GRM5: variants seen among roughly 807,000 people sequenced by gnomAD.
The protein encoded by GRM5 is glutamate metabotropic receptor 5.
In GRM5, 19 loss-of-function variants were observed where a neutral mutation model predicts 83.1. The ratio of observed to expected loss-of-function variants is 0.23; its 90% CI spans 0.16 to 0.34. The LOEUF (loss-of-function observed/expected upper bound fraction) is 0.34, where lower values mean the gene tolerates loss of function less well. GRM5 is among the 10% of genes least tolerant of loss of function. GRM5 has a pLI of 1.00. For missense variants in GRM5, 1,160 were observed against 1,588.3 expected (o/e 0.73, Z 4.58); for synonymous variants, 675 against 633.6 (o/e 1.07, Z -0.98).
At chr11:88,626,955 C>T (rs1322497103) in intron 4 of GRM5, among the ~76,000 whole-genome samples, 1 of 152,120 alleles carries the variant, frequency 6.6e-6, no homozygotes, top group Non-Finnish European at 1.5e-5. Flanking sequence ...TCTCCGGCTT[C>T]CAGCCTCCAG....
intron 3 of GRM5, among the ~76,000 whole-genome samples, chr11:88,668,663 G>A (rs1469507586): frequency 1.3e-5 from 2 of 152,014 alleles, no homozygotes; most frequent in Admixed American, 1.3e-4. Context: ...GTAAAAACAG[G>A]TAACAAGAGG....
intron 4 of GRM5, among the ~76,000 whole-genome samples, chr11:88,642,072 G>C (rs756688862): frequency 1.3e-5 from 2 of 152,122 alleles, no homozygotes; most frequent in Non-Finnish European, 2.9e-5. Context: ...TGGGCACCCA[G>C]TTTGTCTCAT....
intron 3 of GRM5, among the ~76,000 whole-genome samples, chr11:88,665,192 T>C (rs988141762): frequency 2.2e-4 from 3 of 13,336 alleles, no homozygotes; most frequent in Non-Finnish European, 7.2e-4. Flanking sequence ...CACACACACA[T>C]CCCTCTTGGA....
chr11:88,580,487 TA>T (rs1323653900), intron 7 of GRM5, among the ~76,000 whole-genome samples: 8 of 152,196 alleles, frequency 5.3e-5, no homozygotes, highest in South Asian at 2.1e-4. Context: ...TTGGGAAGGT[TA>T]TTTTTTTATT....
intron 2 of GRM5, among the ~76,000 whole-genome samples, chr11:88,918,411 C>T (rs1315851668): frequency 6.6e-6 from 1 of 151,312 alleles, no homozygotes; most frequent in Admixed American, 6.6e-5. Flanking sequence ...TGCACATGTA[C>T]CCTAAAACTT....
At chr11:89,034,635 A>G (rs576429954) in intron 2 of GRM5, among the ~76,000 whole-genome samples, 67 of 152,004 alleles carry the variant, frequency 4.4e-4, no homozygotes, top group African/African-American at 1.6e-3. Flanking sequence ...TAGACTAATG[A>G]ATAAAATAAT....
intron 6 of GRM5, among the ~76,000 whole-genome samples, chr11:88,592,695 A>G (rs991682615): frequency 2.6e-5 from 4 of 152,244 alleles, no homozygotes; most frequent in Non-Finnish European, 5.9e-5. Flanking sequence ...CTGATAATTT[A>G]GAAATTGTTT....
In GRM5 at chr11:88,594,994, A is replaced by G. The variant is rs76384426; in HGVS notation, c.1563+2190T>C. Among the ~76,000 whole-genome samples the G allele has an allele frequency of 9.9e-3, 1,498 of 151,980 alleles. 19 individuals are homozygous for G. Among genetic ancestry groups the G allele is most frequent in the East Asian group, 0.074 (384 of 5,180 alleles). On this transcript the variant is annotated intron_variant, in intron 6 of 9. Coordinates refer to ENST00000305447, the MANE Select transcript of GRM5 (RefSeq NM_001143831.3). Reference sequence around the variant, plus strand: ...TCTTTGTCTTCTCTTCCTTCATTGAATTTTCATTTCCTGTAAGTGTGGCCA... The same window carrying G: ...TCTTTGTCTTCTCTTCCTTCATTGAGTTTTCATTTCCTGTAAGTGTGGCCA...
Position 88,604,928 on chromosome 11 carries a change from G to A in GRM5, c.1184C>T (p.Ser395Phe). 1 of 1,612,760 alleles carries A rather than the reference G, an allele frequency of 6.2e-7. No homozygotes were observed. The highest frequency in any genetic ancestry group is 8.5e-7 in the Non-Finnish European group (1 of 1,178,828). The part of the protein sequence containing the change: ...LTLKTHHVQD[S>F]KMGFVINAIY... ...GGCGTTGATCACAAATCCCATTTTG[G>A]AATCCTGAACATGATGTGTTTTCAG... Residue 395 changes from serine (S) to phenylalanine (F), a missense_variant, in exon 5 of 10, where the codon TCC (serine) becomes TTC (phenylalanine). Physicochemically the swap from Ser to Phe is radical, Grantham distance 155. Coordinates refer to ENST00000305447, the MANE Select transcript of GRM5 (RefSeq NM_001143831.3).
In GRM5 at chr11:89,047,390, C is replaced by T; in HGVS notation, c.483G>A (p.Leu161=). 1.2e-6 allele frequency: 2 copies of T among 1,614,078 alleles called. No individual in the cohort carries two copies. Among genetic ancestry groups the T allele is most frequent in the Non-Finnish European group, 1.7e-6 (2 of 1,179,962 alleles). Residue 161 remains leucine, a synonymous_variant, in exon 2 of 10, where the codon TTG becomes TTA. Coordinates refer to ENST00000305447, the MANE Select transcript of GRM5 (RefSeq NM_001143831.3). This position sits in a 1 kb window ranked among gnomAD's most constrained non-coding sequence, Gnocchi z 5.1. ...TCTGAGGTATGTTGAAAAGCTGGAG[C>T]AAATTCTGGACCTGAATGGCTACAG... is the stretch of plus-strand genomic sequence containing the variant. ...SSSVAIQVQN[L]LQLFNIPQIA...
intron 2 of GRM5, among the ~76,000 whole-genome samples, chr11:89,018,906 TTAA>T (rs2135104303): frequency 6.6e-6 from 1 of 152,340 alleles, no homozygotes; most frequent in East Asian, 1.9e-4. Context: ...ACATCTTGCT[TTAA>T]TATGGTTCAT....
chr11:88,630,871 C>T (rs1418563462), intron 4 of GRM5, among the ~76,000 whole-genome samples: 1 of 152,174 alleles, frequency 6.6e-6, no homozygotes, highest in East Asian at 1.9e-4. Flanking sequence ...AGCCACTGTG[C>T]CCAGCCATTT....
intron 3 of GRM5, among the ~76,000 whole-genome samples, chr11:88,759,039 G>A (rs1271721468): frequency 1.3e-5 from 2 of 152,114 alleles, no homozygotes; most frequent in Non-Finnish European, 2.9e-5. Flanking sequence ...AATACTGAGG[G>A]AACCTGTTAC....
At chr11:89,059,001 T>C (rs1340440085) in intron 1 of GRM5, among the ~76,000 whole-genome samples, 2 of 141,344 alleles carry the variant, frequency 1.4e-5, no homozygotes, top group African/African-American at 5.6e-5. Flanking sequence ...TTTAGACAAA[T>C]TGTTTTTCAA....
At chr11:88,587,946 CT>C (rs1943352967) in intron 7 of GRM5, among the ~76,000 whole-genome samples, 1 of 152,076 alleles carries the variant, frequency 6.6e-6, no homozygotes, top group African/African-American at 2.4e-5. Flanking sequence ...ATGCTTTTCT[CT>C]TGTTAGTTTG....
intron 8 of GRM5, among the ~76,000 whole-genome samples, chr11:88,563,134 A>G (rs1011857955): frequency 1.3e-5 from 2 of 152,196 alleles, no homozygotes; most frequent in Non-Finnish European, 2.9e-5. Flanking sequence ...GCATTTATTG[A>G]ATACTTTCTA....
At chr11:88,590,155 A>G (rs1025805427) in intron 7 of GRM5, among the ~76,000 whole-genome samples, 4 of 152,228 alleles carry the variant, frequency 2.6e-5, no homozygotes, top group South Asian at 4.1e-4. Flanking sequence ...CCTGATTTCA[A>G]TTAATAAAAA....
At chr11:88,701,609 G>C (rs777370836) in intron 3 of GRM5, among the ~76,000 whole-genome samples, 3 of 152,116 alleles carry the variant, frequency 2.0e-5, no homozygotes, top group Non-Finnish European at 4.4e-5. Context: ...CAGATAGTTA[G>C]GTCATGATTC....
At chr11:89,020,235 A>C (rs1326950040) in intron 2 of GRM5, among the ~76,000 whole-genome samples, 1 of 152,224 alleles carries the variant, frequency 6.6e-6, no homozygotes, top group South Asian at 2.1e-4. Flanking sequence ...CAGAATTGGA[A>C]TTTAAGCCCA....
Sources: gnomAD v4.1 joint callset for allele counts (sites outside exome capture counted in the v4.1 genomes callset) on GRCh38, gnomAD v4.1.1 for gene constraint, Gnocchi (gnomAD v3.1) non-coding constraint, MANE v1.5 for transcripts, NCBI Gene and HGNC (gene_info 2026-07-23, HGNC 2026-07-21) for gene names.